Variants in MANBA observed in about 807,000 individuals in gnomAD.
MANBA encodes beta-mannosidase.
MANBA carries 83 observed loss-of-function variants against 111.1 expected under a neutral mutation model. That is an observed-to-expected ratio of 0.75 (90% CI 0.63 to 0.90). MANBA has a LOEUF of 0.90. Ranked by LOEUF, MANBA falls within the 40% of genes least tolerant of loss-of-function variation. The pLI is 0.00. For synonymous variants in MANBA, 370 were observed against 378.7 expected, an observed-to-expected ratio of 0.98 and a Z score of 0.27; for missense variants, 1,036 against 1,069.0, an observed-to-expected ratio of 0.97 and a Z score of 0.43.
intron 5 of MANBA, among the ~76,000 whole-genome samples, chr4:102,703,469 G>A (rs1007981506): frequency 1.3e-5 from 2 of 152,156 alleles, no homozygotes; most frequent in African/African-American, 4.8e-5. Context: ...GTCTGCCTTT[G>A]CAGGACTAAC....
rs201314495 is a variant in MANBA at position 102,749,143 on chromosome 4, AG to A, written c.177+11574del. 7.6e-3 allele frequency among the ~76,000 whole-genome samples: 1,153 copies of A among 152,326 alleles called. 21 individuals are homozygous for A. The highest frequency in any genetic ancestry group is 0.026 in the African/African-American group (1,088 of 41,582). ...AAACTGTAACCAAGATTCTAGGCTT[AG>A]TTTCCTGAGAAAATACTTATGCTTT... On this transcript the variant is annotated intron_variant, in intron 1 of 16. Transcript: ENST00000647097.
intron 1 of MANBA, among the ~76,000 whole-genome samples, chr4:102,755,515 A>G (rs1723976514): frequency 6.6e-6 from 1 of 152,164 alleles, no homozygotes. Context: ...AACCATAAAA[A>G]CCCTAGAAGA....
intron 1 of MANBA, among the ~76,000 whole-genome samples, chr4:102,747,402 G>A (rs1049029093): frequency 6.6e-6 from 1 of 152,136 alleles, no homozygotes; most frequent in Non-Finnish European, 1.5e-5. Flanking sequence ...GGCTTTGCTG[G>A]CAGCTGATTA....
chr4:102,701,434 G>C (rs1733035784), intron 5 of MANBA, among the ~76,000 whole-genome samples: 1 of 150,592 alleles, frequency 6.6e-6, no homozygotes, highest in African/African-American at 2.5e-5. Flanking sequence ...CTCGTTAGTT[G>C]ATGCAGTTTC....
intron 1 of MANBA, chr4:102,752,652 T>C: frequency 1.8e-6 from 1 of 562,302 alleles, no homozygotes; most frequent in Non-Finnish European, 3.6e-6. Context: ...AAGTGAATGA[T>C]AAATTGATCA....
chr4:102,634,991 G>A lies in MANBA; in HGVS notation c.2212C>T (p.Arg738Cys), dbSNP rs763613927. The change falls in exon 16 of 17, where the codon CGT (arginine) becomes TGT (cysteine). Residue 738 changes from arginine (R) to cysteine (C), a missense_variant. Transcript: ENST00000647097. ...LEPVCSRVTERFVMKGGEAVC... is the reference protein window; with the variant it reads ...LEPVCSRVTECFVMKGGEAVC... Reference sequence around the variant, plus strand: ...GCCTCTCCTCCTTTCATCACAAAACGTTCAGTCACACGAGAGCACACGGGC... The same window carrying A: ...GCCTCTCCTCCTTTCATCACAAAACATTCAGTCACACGAGAGCACACGGGC... The A allele has an allele frequency of 2.5e-6, 4 of 1,614,098 alleles. No individual in the cohort carries two copies. Among genetic ancestry groups the A allele is most frequent in the South Asian group, 2.2e-5 (2 of 91,080 alleles).
rs79934496 is a variant in MANBA at position 102,676,632 on chromosome 4, T to C, written c.961-2562A>G. On this transcript the variant is annotated intron_variant, in intron 7 of 16. Coordinates refer to ENST00000647097, the MANE Select transcript of MANBA (RefSeq NM_005908.4). ...TTACAAATGAGTGAATCTCCAGATA[T>C]AGATGGACTTGCCAGTTTGCCTGTA... Among the ~76,000 whole-genome samples the C allele has an allele frequency of 4.7e-3, 718 of 152,338 alleles. 10 individuals carry two copies. The highest frequency in any genetic ancestry group is 0.016 in the African/African-American group (667 of 41,578).
intron 1 of MANBA, among the ~76,000 whole-genome samples, chr4:102,745,194 T>C (rs936552093): frequency 6.6e-6 from 1 of 152,216 alleles, no homozygotes; most frequent in South Asian, 2.1e-4. Flanking sequence ...AAATGTCTGA[T>C]CATTTCCCTT....
chr4:102,751,672 C>T (rs752918117), intron 1 of MANBA: 5 of 542,546 alleles, frequency 9.2e-6, no homozygotes, highest in East Asian at 5.3e-5. Flanking sequence ...TACACAGCAC[C>T]CCAGCCAGAG....
Position 102,684,325 on chromosome 4 carries a change from G to A in MANBA, c.960+5249C>T, listed in dbSNP as rs1732112066. 2.0e-5 allele frequency among the ~76,000 whole-genome samples: 3 copies of A among 152,188 alleles called. No homozygotes were observed. The South Asian group carries it at 6.2e-4, about 32-fold the overall frequency. ...GAAAACAGTGTTCAATGTCCTGTCT[G>A]ACACAGTACCAAGTGCTGGCGAGCA... On this transcript the variant is annotated intron_variant, in intron 7 of 16. Coordinates refer to ENST00000647097, the MANE Select transcript of MANBA (RefSeq NM_005908.4).
intron 1 of MANBA, among the ~76,000 whole-genome samples, chr4:102,736,053 T>C (rs2110202626): frequency 6.6e-6 from 1 of 152,324 alleles, no homozygotes; most frequent in South Asian, 2.1e-4. Flanking sequence ...TAGTTAAAAG[T>C]TACTGCCTGT....
chr4:102,756,943 C>T (rs1451986090), intron 1 of MANBA, among the ~76,000 whole-genome samples: 1 of 152,142 alleles, frequency 6.6e-6, no homozygotes, highest in Non-Finnish European at 1.5e-5. Flanking sequence ...TAGTTTTCTG[C>T]CTCACTAAAG....
intron 1 of MANBA, chr4:102,752,311 C>T (rs1233008711): frequency 3.7e-6 from 5 of 1,369,660 alleles, no homozygotes; most frequent in Admixed American, 1.7e-5. Flanking sequence ...ACTTTGTAAA[C>T]GTTTAGCATC....
At chr4:102,718,594 A>C (rs1366014133) in intron 4 of MANBA, among the ~76,000 whole-genome samples, 1 of 152,230 alleles carries the variant, frequency 6.6e-6, no homozygotes, top group Non-Finnish European at 1.5e-5. Flanking sequence ...GAGTCCCACT[A>C]TCCATTCTGG....
chr4:102,657,616 G>A, intron 12 of MANBA, 66 bp downstream of exon 12: 1 of 1,263,724 alleles, frequency 7.9e-7, no homozygotes, highest in Non-Finnish European at 1.2e-6. Context: ...CTGAACCAGT[G>A]ATCAGAATAA....
At chr4:102,731,076 T>A (rs1399404940) in intron 1 of MANBA, among the ~76,000 whole-genome samples, 3 of 152,102 alleles carry the variant, frequency 2.0e-5, no homozygotes, top group African/African-American at 7.2e-5. Flanking sequence ...AGATAGGGAC[T>A]GCGTTGAGGA....
intron 1 of MANBA, chr4:102,728,954 T>C (rs1294759156): frequency 2.5e-6 from 2 of 784,766 alleles, no homozygotes; most frequent in Admixed American, 1.7e-5. Context: ...ACTCATGTTC[T>C]GCATCCCAGA....
chr4:102,743,316 C>T (rs1723475733), intron 1 of MANBA, among the ~76,000 whole-genome samples: 1 of 152,196 alleles, frequency 6.6e-6, no homozygotes, highest in Non-Finnish European at 1.5e-5. Flanking sequence ...GCACATCTGG[C>T]CATTTTTCTT....
rs1731487302 is a variant in MANBA at position 102,671,347 on chromosome 4, C to G, written c.1164G>C (p.Arg388=). Residue 388 remains arginine, a synonymous_variant, in exon 9 of 17, where the codon CGG becomes CGC. Transcript: ENST00000647097. The part of the protein sequence containing the change: ...SVVDANMNTL[R]VWGGGIYEQD... ...GCTCATAAATTCCTCCTCCCCAAAC[C>G]CGAAGAGTATTCATATTAGCATCCA... The G allele has an allele frequency of 6.2e-7, 1 of 1,609,416 alleles. No individual in the cohort carries two copies. The highest frequency in any genetic ancestry group is 8.5e-7 in the Non-Finnish European group (1 of 1,176,078).
Sources: allele counts gnomAD v4.1 joint callset (sites outside exome capture counted in the v4.1 genomes callset), GRCh38; gene constraint gnomAD v4.1.1; transcripts MANE v1.5; gene names NCBI Gene and HGNC (gene_info 2026-07-23, HGNC 2026-07-21).